The following EZH1 variants were observed in gnomAD, a reference collection of about 807,000 sequenced individuals.
EZH1 encodes the protein histone-lysine N-methyltransferase EZH1.
In EZH1, 33 loss-of-function variants were observed where a neutral mutation model predicts 100.5. That is an observed-to-expected ratio of 0.33 (90% confidence interval 0.25 to 0.44). The LOEUF (loss-of-function observed/expected upper bound fraction) is 0.44, where lower values mean the gene tolerates loss of function less well. Ranked by LOEUF, EZH1 falls within the 20% of genes least tolerant of loss-of-function variation. EZH1 has a pLI of 1.00. For synonymous variants in EZH1, 272 were observed against 313.8 expected, an observed-to-expected ratio of 0.87 and a Z score of 1.41; for missense variants, 475 against 928.4, an observed-to-expected ratio of 0.51 and a Z score of 6.35.
Position 42,745,038 on chromosome 17 carries a change from G to T in EZH1, c.-130C>A, listed in dbSNP as rs758290946. On this transcript the variant is annotated 5_prime_UTR_variant, in exon 1 of 21. Transcript: ENST00000428826. Reference sequence around the variant, plus strand: ...TCCATCCCGAGCCGCGGGTCCCGCTGCTAGGACGCATGCGCGCCGCGGCCC... The same window carrying T: ...TCCATCCCGAGCCGCGGGTCCCGCTTCTAGGACGCATGCGCGCCGCGGCCC... 3 of 1,268,642 alleles carry T rather than the reference G, an allele frequency of 2.4e-6. No individual in the cohort carries two copies. Among genetic ancestry groups the T allele is most frequent in the South Asian group, 2.6e-5 (2 of 77,722 alleles). The allele number at this position is 1,268,642 out of a possible 1,614,324, so 78.6% of individuals were successfully genotyped here. A position where few individuals can be genotyped will look rare whatever the true frequency, so the allele number is the denominator to read the frequency against.
rs1368938262 is a variant in EZH1 at position 42,702,452 on chromosome 17, G to A, written c.*80C>T. 8.2e-7 allele frequency: 1 copy of A among 1,217,042 alleles called. No individual in the cohort carries two copies. Among genetic ancestry groups the A allele is most frequent in the African/African-American group, 1.5e-5 (1 of 66,874 alleles). 75.4% of individuals were successfully genotyped at this position (1,217,042 alleles called of 1,614,324 possible). On this transcript the variant is annotated 3_prime_UTR_variant, in exon 21 of 21. Coordinates refer to ENST00000428826, the MANE Select transcript of EZH1 (RefSeq NM_001991.5). ...TCTCAGTGTGGGAGACACAGTGCAG[G>A]AGACTCGAGCAGCAGTGGTGTGAGC... is the stretch of plus-strand genomic sequence containing the variant.
At chr17:42,710,026 G>A in intron 12 of EZH1, 89 bp from the exon 13 acceptor site, 1 of 1,103,614 alleles carries the variant, frequency 9.1e-7, no homozygotes. Context: ...GGAGGGTTCT[G>A]AGAAACTCAG....
chr17:42,721,035 TCAAA>T (rs1180938794), intron 6 of EZH1, among the ~76,000 whole-genome samples: 1 of 152,250 alleles, frequency 6.6e-6, no homozygotes, highest in Non-Finnish European at 1.5e-5. Context: ...ATGAAAGTGT[TCAAA>T]CAATCTCCAA....
chr17:42,744,625 T>A (rs1029121955), intron 1 of EZH1, among the ~76,000 whole-genome samples: 6 of 152,008 alleles, frequency 3.9e-5, no homozygotes, highest in African/African-American at 1.4e-4. Flanking sequence ...CAGCTCCAGG[T>A]CCCCAGAGTC....
intron 1 of EZH1, among the ~76,000 whole-genome samples, chr17:42,733,759 G>A (rs1312520413): frequency 1.3e-5 from 2 of 151,140 alleles, no homozygotes; most frequent in Non-Finnish European, 2.9e-5. Flanking sequence ...GGCCAGCATA[G>A]TGAAACCTTG....
Position 42,712,298 on chromosome 17 carries a change from C to G in EZH1, c.1392G>C (p.Thr464=). The G allele has an allele frequency of 1.9e-6, 3 of 1,613,572 alleles. No homozygotes were observed. The highest frequency in any genetic ancestry group is 2.5e-6 in the Non-Finnish European group (3 of 1,179,948). The part of the protein sequence containing the change: ...CSIARLLGTK[T]CKQVFQFAVK... ...TGCTTCCAGATGGTACCTGCTTGCA[C>G]GTCTTGGTCCCCAGAAGCCTGGCTA... Residue 464 remains threonine, a synonymous_variant, in exon 12 of 21, where the codon ACG becomes ACC. Transcript: ENST00000428826.
At position 42,708,115 on chromosome 17, in the gene EZH1, T is replaced by A. The variant is rs748400474; in HGVS notation, c.1535-32A>T. 2.6e-6 allele frequency: 4 copies of A among 1,567,224 alleles called. No homozygotes were observed. In the Admixed American group the frequency reaches 7.4e-5, roughly 29 times the overall value. On this transcript the variant is annotated intron_variant, in intron 14 of 20. Transcript: ENST00000428826. ...AAGAAAACAGAGGAGGATGCTGCTG[T>A]GACCATACTCTCCAGCTGTCTTCCC...
intron 3 of EZH1, 102 bp from the exon 4 acceptor site, chr17:42,727,865 G>A (rs888466741): frequency 4.5e-6 from 4 of 892,268 alleles, no homozygotes; most frequent in Non-Finnish European, 5.8e-6. Context: ...CACCCAGGCT[G>A]GAGTGTAGTA....
chr17:42,714,543 G>C (rs1402970127), intron 10 of EZH1: 1 of 283,874 alleles, frequency 3.5e-6, no homozygotes, highest in African/African-American at 2.2e-5. Context: ...GGATCCGTGT[G>C]TGCTGAATGT....
chr17:42,744,829 G>T (rs991563406), intron 1 of EZH1, among the ~76,000 whole-genome samples, 182 bp downstream of exon 1: 1 of 150,852 alleles, frequency 6.6e-6, no homozygotes, highest in East Asian at 2.0e-4. Flanking sequence ...TCGCCCCGTC[G>T]CCCCCATTCC....
intron 4 of EZH1, 148 bp from the exon 5 acceptor site, chr17:42,724,572 G>T (rs1597849592): frequency 1.3e-6 from 1 of 798,418 alleles, no homozygotes; most frequent in Non-Finnish European, 1.9e-6. Context: ...ATCACTTGAA[G>T]TCAGTTGGAG....
Position 42,719,756 on chromosome 17 carries a change from G to T in EZH1, c.664+517C>A, listed in dbSNP as rs918409453. On this transcript the variant is annotated intron_variant, in intron 7 of 20. Transcript: ENST00000428826. Reference sequence around the variant, plus strand: ...TGTCTCAAAAAAATAATAAATAATAGATTTTAAAAATAAAAATAAGAATTT... The same window carrying T: ...TGTCTCAAAAAAATAATAAATAATATATTTTAAAAATAAAAATAAGAATTT... Among the ~76,000 whole-genome samples the T allele has an allele frequency of 3.9e-5, 6 of 151,900 alleles. No homozygotes were observed. The East Asian group carries it at 5.8e-4, about 15-fold the overall frequency.
intron 19 of EZH1, 120 bp downstream of exon 19, chr17:42,703,620 T>A (rs2053289585): frequency 1.5e-5 from 11 of 712,842 alleles, no homozygotes; most frequent in South Asian, 1.5e-4. Flanking sequence ...TACCAGATAT[T>A]AATCATGATT....
intron 2 of EZH1, among the ~76,000 whole-genome samples, chr17:42,730,552 A>C (rs892488477): frequency 8.5e-6 from 1 of 117,690 alleles, no homozygotes; most frequent in Non-Finnish European, 1.6e-5. Context: ...GCTGGAGTGC[A>C]GTGGCGCGAT....
In EZH1 at chr17:42,745,027, C is replaced by CA. The variant is rs28384472; in HGVS notation, c.-120_-119insT. On this transcript the variant is annotated 5_prime_UTR_variant, in exon 1 of 21. Coordinates refer to ENST00000428826, the MANE Select transcript of EZH1 (RefSeq NM_001991.5). ...CTCACTCACCCTCCATCCCGAGCCG[C>CA]GGGTCCCGCTGCTAGGACGCATGCG... 0.014 allele frequency: 18,142 copies of CA among 1,272,730 alleles called. 1,022 individuals carry two copies. Among genetic ancestry groups the CA allele is most frequent in the African/African-American group, 0.12 (7,892 of 64,234 alleles). The allele number at this position is 1,272,730 out of a possible 1,614,324, so 78.8% of individuals were successfully genotyped here.
intron 16 of EZH1, chr17:42,705,803 C>G: frequency 2.1e-6 from 1 of 486,834 alleles, no homozygotes; most frequent in South Asian, 4.4e-5. Context: ...CAGGCATGAG[C>G]CACCACACCT....
At chr17:42,710,632 T>TG (rs200937014) in intron 12 of EZH1, among the ~76,000 whole-genome samples, 5 of 149,448 alleles carry the variant, frequency 3.3e-5, no homozygotes, top group East Asian at 1.9e-4. Context: ...TTTGTTTGTT[T>TG]TTTTTTTTTT....
chr17:42,724,227 C>A, intron 5 of EZH1, 78 bp downstream of exon 5: 1 of 1,555,252 alleles, frequency 6.4e-7, no homozygotes, highest in Admixed American at 1.7e-5. Flanking sequence ...ACAATCTTTA[C>A]CCTAAGAGGA....
chr17:42,704,398 G>A (rs897836750), intron 18 of EZH1, among the ~76,000 whole-genome samples: 2 of 151,986 alleles, frequency 1.3e-5, no homozygotes, highest in South Asian at 4.1e-4. Flanking sequence ...AATATTAGCC[G>A]GGCATGGTGG....
Sources: allele counts gnomAD v4.1 joint callset (sites outside exome capture counted in the v4.1 genomes callset), GRCh38; gene constraint gnomAD v4.1.1; transcripts MANE v1.5; gene names NCBI Gene and HGNC (gene_info 2026-07-23, HGNC 2026-07-21).